COLEC12: variants seen among roughly 807,000 people sequenced by gnomAD.
COLEC12 encodes collectin subfamily member 12.
Under a neutral mutation model 71.1 loss-of-function variants are expected in COLEC12, and 33 were observed. That is an observed-to-expected ratio of 0.46 (90% CI 0.35 to 0.62). The LOEUF is 0.62. Among genes scored for constraint, COLEC12 ranks in the 20% least tolerant of loss-of-function variants. COLEC12 has a pLI of 0.00. For missense variants in COLEC12, 765 were observed against 916.1 expected (o/e 0.84, Z 2.13); for synonymous variants, 350 against 353.0 (o/e 0.99, Z 0.10).
chr18:394,263 AC>A, intron 2 of COLEC12, among the ~76,000 whole-genome samples: 1 of 152,346 alleles, frequency 6.6e-6, no homozygotes. Flanking sequence ...GTGGGAGGCA[AC>A]CTGGTACTGG....
chr18:478,716 G>C (rs918416641), intron 2 of COLEC12, among the ~76,000 whole-genome samples: 18 of 152,138 alleles, frequency 1.2e-4, no homozygotes, highest in Non-Finnish European at 4.4e-5. Flanking sequence ...CTTGCCTAGA[G>C]GCTGAATCCA....
rs907260077 is a variant in COLEC12, at chr18:408,151, T to C, written c.59-50629A>G. 1.3e-5 allele frequency among the ~76,000 whole-genome samples: 2 copies of C among 152,188 alleles called. No individual in the cohort carries two copies. Among genetic ancestry groups the C allele is most frequent in the African/African-American group, 2.4e-5 (1 of 41,450 alleles). ...GGTTTTCAGCATGGTGTGAGGACAG[T>C]GTCCTGGGAAGATCATGGGCTTTAG... On this transcript the variant is annotated intron_variant, in intron 2 of 9. Coordinates refer to ENST00000400256, the MANE Select transcript of COLEC12 (RefSeq NM_130386.3). The surrounding 1 kb of genome is among the most constrained non-coding windows in gnomAD (Gnocchi z 4.3).
chr18:334,867 A>G lies in COLEC12; in HGVS notation c.1691T>C (p.Leu564Pro), dbSNP rs982689129. ...GEPGVPGPRGLPGLPGVPGMP... is the reference protein window; with the variant it reads ...GEPGVPGPRGPPGLPGVPGMP... ...GCCTGGTACCCCAGGCAAGCCTGGC[A>G]GTCCCCGAGGTCCAGGCACCCCAGG... The change falls in exon 6 of 10, where the codon CTG (leucine) becomes CCG (proline). Residue 564 changes from leucine to proline, a missense_variant. Transcript: ENST00000400256. 2.6e-6 allele frequency: 4 copies of G among 1,522,992 alleles called. No individual in the cohort carries two copies. The Admixed American group carries it at 7.9e-5, about 30-fold the overall frequency. 94.3% of individuals were successfully genotyped at this position (1,522,992 alleles called of 1,614,324 possible).
In COLEC12 at chr18:317,500, C is replaced by T. The variant is rs1230581326; in HGVS notation, c.*2545G>A. The T allele has an allele frequency of 6.6e-6, 1 of 152,134 alleles. No homozygotes were observed. Among genetic ancestry groups the T allele is most frequent in the Non-Finnish European group, 1.5e-5 (1 of 68,054 alleles). 9.4% of individuals were successfully genotyped at this position (152,134 alleles called of 1,614,324 possible). A position where few individuals can be genotyped will look rare whatever the true frequency, so the allele number is the denominator to read the frequency against. ...GTGTAGTAAGACCTGCTTCCTAGGG[C>T]TGTTGGGAGGATCAGGTGAGACAAT... On this transcript the variant is annotated 3_prime_UTR_variant, in exon 10 of 10. Transcript: ENST00000400256.
rs566756921 is a variant in COLEC12, at chr18:327,096, A to G, written c.2063+4572T>C. Among the ~76,000 whole-genome samples the G allele has an allele frequency of 6.0e-4, 92 of 152,212 alleles. No homozygotes were observed. Among genetic ancestry groups the G allele is most frequent in the Non-Finnish European group, 1.2e-3 (80 of 68,042 alleles). On this transcript the variant is annotated intron_variant, in intron 8 of 9. Coordinates refer to ENST00000400256, the MANE Select transcript of COLEC12 (RefSeq NM_130386.3). The surrounding 1 kb of genome is among the most constrained non-coding windows in gnomAD (Gnocchi z 4.0). ...AATGTTATCATGAGACTGTGGGCCA[A>G]TGGACTCTAATCTCCAGTCAGGGGC...
intron 2 of COLEC12, among the ~76,000 whole-genome samples, chr18:436,857 T>C (rs768996876): frequency 2.6e-5 from 4 of 152,172 alleles, no homozygotes; most frequent in Non-Finnish European, 5.9e-5. Flanking sequence ...ATACCTCCCA[T>C]GGCTGGTAGA....
intron 2 of COLEC12, among the ~76,000 whole-genome samples, chr18:415,720 G>T (rs1305420835): frequency 6.6e-6 from 1 of 152,042 alleles, no homozygotes; most frequent in Admixed American, 6.5e-5. Context: ...TAGACCTTTG[G>T]AAGTTCCTCC....
At chr18:406,967 C>T (rs1915803669) in intron 2 of COLEC12, among the ~76,000 whole-genome samples, 1 of 152,276 alleles carries the variant, frequency 6.6e-6, no homozygotes, top group Admixed American at 6.5e-5. Context: ...CTTCCTGCAA[C>T]TGGACCACTC....
intron 5 of COLEC12, among the ~76,000 whole-genome samples, chr18:340,811 T>C (rs1280556848): frequency 2.0e-5 from 3 of 152,218 alleles, no homozygotes; most frequent in Non-Finnish European, 2.9e-5. Flanking sequence ...GAAAAAGTCA[T>C]TGCGCTTCAC....
chr18:367,753 G>A (rs79766258), intron 2 of COLEC12, among the ~76,000 whole-genome samples: 7,334 of 152,234 alleles, frequency 0.048, 251 homozygotes, highest in South Asian at 0.11. Flanking sequence ...GGCCCCAGAC[G>A]GAATGACGAC....
intron 2 of COLEC12, among the ~76,000 whole-genome samples, chr18:358,196 T>C (rs1914669165): frequency 6.6e-6 from 1 of 152,178 alleles, no homozygotes. Flanking sequence ...ACCACTGTCC[T>C]AGAGTGTACT....
At chr18:477,888 C>A (rs1482875760) in intron 2 of COLEC12, among the ~76,000 whole-genome samples, 1 of 152,178 alleles carries the variant, frequency 6.6e-6, no homozygotes, top group Non-Finnish European at 1.5e-5. Flanking sequence ...CTTCCACTTA[C>A]CACCTTACTA....
intron 1 of COLEC12, among the ~76,000 whole-genome samples, chr18:483,658 C>T (rs1055012117): frequency 1.3e-5 from 2 of 152,162 alleles, no homozygotes; most frequent in Non-Finnish European, 2.9e-5. Context: ...CAGTGATTGG[C>T]TACCTCCACA....
intron 5 of COLEC12, among the ~76,000 whole-genome samples, chr18:344,103 CATG>C (rs1914319080): frequency 6.6e-6 from 1 of 151,938 alleles, no homozygotes; most frequent in African/African-American, 2.4e-5. Context: ...TCCAGAATAC[CATG>C]ATAAGATTGT....
intron 2 of COLEC12, among the ~76,000 whole-genome samples, chr18:411,974 T>C (rs55723636): frequency 6.6e-6 from 1 of 151,982 alleles, no homozygotes; most frequent in Admixed American, 6.5e-5. Flanking sequence ...TTGTGGACTA[T>C]AACAAAAAAT....
intron 2 of COLEC12, among the ~76,000 whole-genome samples, chr18:367,009 A>G (rs975317296): frequency 6.6e-6 from 1 of 152,210 alleles, no homozygotes; most frequent in Non-Finnish European, 1.5e-5. Flanking sequence ...AATGCAAAAC[A>G]TGCCTTCAGA....
At chr18:496,412 G>A (rs376616392) in intron 1 of COLEC12, among the ~76,000 whole-genome samples, 2 of 152,176 alleles carry the variant, frequency 1.3e-5, no homozygotes, top group African/African-American at 4.8e-5. Context: ...AGTATAATTA[G>A]ATTGTAAATT....
intron 2 of COLEC12, among the ~76,000 whole-genome samples, chr18:376,795 G>A (rs1915124496): frequency 6.6e-6 from 1 of 152,156 alleles, no homozygotes; most frequent in Non-Finnish European, 1.5e-5. Context: ...TTAGAGTAAG[G>A]CAAATAGAGA....
intron 2 of COLEC12, among the ~76,000 whole-genome samples, chr18:426,225 C>T (rs892968167): frequency 7.9e-5 from 12 of 152,130 alleles, no homozygotes; most frequent in Admixed American, 2.0e-4. Flanking sequence ...AATTAAGAAA[C>T]GAGCAATAAT....
Sources: gnomAD v4.1 joint callset for allele counts (sites outside exome capture counted in the v4.1 genomes callset) on GRCh38, gnomAD v4.1.1 for gene constraint, Gnocchi (gnomAD v3.1) non-coding constraint, MANE v1.5 for transcripts, NCBI Gene and HGNC (gene_info 2026-07-23, HGNC 2026-07-21) for gene names.